VGLL1: variants seen among roughly 807,000 people sequenced by gnomAD.
VGLL1 encodes the protein transcription cofactor vestigial-like protein 1.
Under a neutral mutation model 12.0 loss-of-function variants are expected in VGLL1, and 4 were observed. That is an observed-to-expected ratio of 0.33 (90% CI 0.16 to 0.76). The LOEUF is 0.76. Ranked by LOEUF, VGLL1 falls within the 30% of genes least tolerant of loss-of-function variation. The probability of loss-of-function intolerance (pLI) is 0.60; values close to 1 mark genes in which losing one functional copy is unlikely to be tolerated. For synonymous variants in VGLL1, 87 were observed against 81.2 expected, an observed-to-expected ratio of 1.07 and a Z score of -0.39; for missense variants, 204 against 208.7, an observed-to-expected ratio of 0.98 and a Z score of 0.14.
At chrX:136,545,027 A>C (rs1000280948) in intron 2 of VGLL1, among the ~76,000 whole-genome samples, 2 of 112,512 alleles carry the variant, frequency 1.8e-5, no homozygotes, top group Non-Finnish European at 3.8e-5. Flanking sequence ...GAAATGATGA[A>C]TAATAACAAC....
At chrX:136,550,902 T>C in intron 4 of VGLL1, 81 bp downstream of exon 4, 1 of 856,625 alleles carries the variant, frequency 1.2e-6, no homozygotes, top group East Asian at 3.1e-5. Flanking sequence ...TGTCTACTAC[T>C]GGAGACACTG....
Position 136,532,601 on chromosome X carries a change from CTTTCTTT to C in VGLL1, c.-26+306_-26+312del, listed in dbSNP as rs2075826496. ...TCTTTCTTTCTTTCTTTCTTTCTTT[CTTTCTTT>C]CTTTCTTTCTTTCTTTCTTTCTTTC... On this transcript the variant is annotated intron_variant, in intron 1 of 4. Coordinates refer to ENST00000370634, the MANE Select transcript of VGLL1 (RefSeq NM_016267.4). Among the ~76,000 whole-genome samples, 10 of 80,460 alleles carry C rather than the reference CTTTCTTT, an allele frequency of 1.2e-4. No individual in the cohort carries two copies. The East Asian group carries it at 3.8e-3, about 30-fold the overall frequency. The allele number at this position is 80,460 out of a possible 115,157, so 69.9% of individuals were successfully genotyped here. A position where few individuals can be genotyped will look rare whatever the true frequency, so the allele number is the denominator to read the frequency against.
At chrX:136,547,574 T>A in intron 2 of VGLL1, among the ~76,000 whole-genome samples, 1 of 112,274 alleles carries the variant, frequency 8.9e-6, no homozygotes, top group South Asian at 3.7e-4. Flanking sequence ...CTTGGTTCAG[T>A]CTCTTAACAT....
chrX:136,536,610 C>T (rs1176234039), intron 2 of VGLL1, among the ~76,000 whole-genome samples: 1 of 111,728 alleles, frequency 9.0e-6, no homozygotes, highest in African/African-American at 3.3e-5. Context: ...CACCCACACC[C>T]CCAAGCATTC....
chrX:136,543,020 G>A (rs185288926), intron 2 of VGLL1, among the ~76,000 whole-genome samples: 3 of 111,969 alleles, frequency 2.7e-5, no homozygotes, highest in Non-Finnish European at 5.6e-5. Context: ...AGACAGTCAA[G>A]TGACTTGCCC....
intron 3 of VGLL1, chrX:136,550,358 T>C (rs1344027602): frequency 1.5e-5 from 2 of 130,492 alleles, no homozygotes; most frequent in African/African-American, 6.4e-5. Context: ...ACAGTTCAAG[T>C]CCAATTCAGC....
chrX:136,542,702 G>A (rs771412094), intron 2 of VGLL1, among the ~76,000 whole-genome samples: 1 of 112,245 alleles, frequency 8.9e-6, no homozygotes, highest in East Asian at 2.8e-4. Flanking sequence ...GAGAAGGTAA[G>A]TGCCTAGAGA....
At chrX:136,547,568 G>A (rs773117490) in intron 2 of VGLL1, among the ~76,000 whole-genome samples, 1 of 111,770 alleles carries the variant, frequency 8.9e-6, no homozygotes, top group Non-Finnish European at 1.9e-5. Flanking sequence ...TGCTACCTTG[G>A]TTCAGTCTCT....
In VGLL1 at chrX:136,536,185, C is replaced by T. The variant is rs1304174357; in HGVS notation, c.165C>T (p.Pro55=). The T allele has an allele frequency of 8.3e-7, 1 of 1,211,115 alleles. No individual in the cohort carries two copies. Among genetic ancestry groups the T allele is most frequent in the East Asian group, 3.0e-5 (1 of 33,844 alleles). The change falls in exon 2 of 5, where the codon CCC becomes CCT. Residue 55 remains proline (P), a synonymous_variant. Coordinates refer to ENST00000370634, the MANE Select transcript of VGLL1 (RefSeq NM_016267.4). ...GAGCTCTGAGCAATATCAAGAGCCC[C>T]CAGGAATTGACCCCCTCGAGTCAGA... ...FSRALSNIKS[P]QELTPSSQSE... is the part of the protein sequence containing the mutation.
intron 4 of VGLL1, among the ~76,000 whole-genome samples, chrX:136,552,713 G>C (rs2075889799): frequency 8.9e-6 from 1 of 112,048 alleles, no homozygotes; most frequent in African/African-American, 3.3e-5. Context: ...ATCTCAAAAA[G>C]GTGAAAGGAC....
chrX:136,541,511 A>G (rs759668250), intron 2 of VGLL1, among the ~76,000 whole-genome samples: 2 of 112,643 alleles, frequency 1.8e-5, no homozygotes, highest in African/African-American at 3.2e-5. Context: ...GGAGGGCCCC[A>G]TGAAAGGCTT....
Position 136,542,035 on chromosome X carries a change from C to T in VGLL1, c.214+5801C>T, listed in dbSNP as rs150896602. 5.1e-3 allele frequency among the ~76,000 whole-genome samples: 558 copies of T among 109,807 alleles called. 2 individuals are homozygous for T. Among genetic ancestry groups the T allele is most frequent in the Non-Finnish European group, 9.0e-3 (470 of 52,509 alleles). ...CCACCCTGTGTTCTTCTTGTCCTGT[C>T]CCCAGCCCCAGTCCTGAGGCCGGCC... On this transcript the variant is annotated intron_variant, in intron 2 of 4. Transcript: ENST00000370634.
At chrX:136,537,263 C>A (rs2075842510) in intron 2 of VGLL1, among the ~76,000 whole-genome samples, 1 of 110,101 alleles carries the variant, frequency 9.1e-6, no homozygotes, top group Non-Finnish European at 1.9e-5. Flanking sequence ...TCTCTGGCTA[C>A]TAAGGAGGGT....
At chrX:136,538,658 C>T (rs949756441) in intron 2 of VGLL1, among the ~76,000 whole-genome samples, 6 of 112,816 alleles carry the variant, frequency 5.3e-5, no homozygotes, top group Non-Finnish European at 9.4e-5. Flanking sequence ...GGGCCTCTGC[C>T]TCCAGGCAAA....
At chrX:136,553,079 A>C (rs1454012986) in intron 4 of VGLL1, among the ~76,000 whole-genome samples, 1 of 111,131 alleles carries the variant, frequency 9.0e-6, no homozygotes, top group Non-Finnish European at 1.9e-5. Context: ...CCCTGGGCAG[A>C]GGGAGGTAAC....
chrX:136,536,205 G>C lies in VGLL1; in HGVS notation c.185G>C (p.Ser62Thr). ...AGCCCCCAGGAATTGACCCCCTCGA[G>C]TCAGAGTGAAGGTGTGATGCTGAAA... ...IKSPQELTPS[S>T]QSEGVMLKND... is the part of the protein sequence containing the mutation. The change falls in exon 2 of 5, where the codon AGT (serine) becomes ACT (threonine). Residue 62 changes from serine to threonine, a missense_variant. Ser to Thr is a moderately conservative substitution (Grantham distance 58). Coordinates refer to ENST00000370634, the MANE Select transcript of VGLL1 (RefSeq NM_016267.4). 8.3e-7 allele frequency: 1 copy of C among 1,211,164 alleles called. No individual in the cohort carries two copies. Among genetic ancestry groups the C allele is most frequent in the Non-Finnish European group, 1.1e-6 (1 of 895,417 alleles).
intron 2 of VGLL1, among the ~76,000 whole-genome samples, chrX:136,538,473 G>A (rs1194212974): frequency 8.9e-6 from 1 of 112,595 alleles, no homozygotes; most frequent in Admixed American, 9.4e-5. Context: ...TCGCCAGCTG[G>A]ATGTCACTCA....
chrX:136,548,529 A>AG (rs1339617192), intron 2 of VGLL1, 60 bp from the exon 3 acceptor site: 1 of 1,111,097 alleles, frequency 9.0e-7, no homozygotes, highest in Non-Finnish European at 1.2e-6. Flanking sequence ...TAAAAAAAAA[A>AG]CTACATCCAT....
chrX:136,553,777 C>A (rs2148533978), intron 4 of VGLL1, among the ~76,000 whole-genome samples: 1 of 111,932 alleles, frequency 8.9e-6, no homozygotes, highest in African/African-American at 3.2e-5. Context: ...TCCGATATGG[C>A]CCTAGTCCCC....
Sources: allele counts gnomAD v4.1 joint callset (sites outside exome capture counted in the v4.1 genomes callset), GRCh38; gene constraint gnomAD v4.1.1; transcripts MANE v1.5; gene names NCBI Gene and HGNC (gene_info 2026-07-23, HGNC 2026-07-21).